RALYL: variants seen among roughly 807,000 people sequenced by gnomAD.
RALYL encodes the protein RNA-binding Raly-like protein.
Under a neutral mutation model 35.1 loss-of-function variants are expected in RALYL, and 29 were observed. That is an observed-to-expected ratio of 0.83 (90% CI 0.61 to 1.13). The LOEUF is 1.13. Ranked by LOEUF, RALYL falls within the 50% of genes most tolerant of loss-of-function variation. RALYL has a pLI of 0.00. For missense variants in RALYL, 359 were observed against 360.4 expected (o/e 1.00, Z 0.03); for synonymous variants, 120 against 127.6 (o/e 0.94, Z 0.40).
intron 1 of RALYL, among the ~76,000 whole-genome samples, chr8:84,324,009 A>T (rs904727435): frequency 6.6e-6 from 1 of 152,064 alleles, no homozygotes; most frequent in Non-Finnish European, 1.5e-5. Context: ...CATGTAATAT[A>T]GTTATTAGTG....
chr8:84,529,349 G>T lies in RALYL; in HGVS notation c.28G>T (p.Val10Phe). MTGKTQTSNVTNKNDPKSIN... is the reference protein window; with the variant it reads MTGKTQTSNFTNKNDPKSIN... Reference sequence around the variant, plus strand: ...GACTGGCAAAACACAGACCAGCAACGTCACCAATAAGAATGACCCCAAGTC... The same window carrying T: ...GACTGGCAAAACACAGACCAGCAACTTCACCAATAAGAATGACCCCAAGTC... Residue 10 changes from valine (V) to phenylalanine (F), a missense_variant, in exon 2 of 9, where the codon GTC (valine) becomes TTC (phenylalanine). By Grantham distance (50) the Val-to-Phe change is conservative. Coordinates refer to ENST00000521268, the MANE Select transcript of RALYL (RefSeq NM_173848.7). The T allele has an allele frequency of 6.3e-7, 1 of 1,588,388 alleles. No homozygotes were observed. Among genetic ancestry groups the T allele is most frequent in the Non-Finnish European group, 8.6e-7 (1 of 1,165,748 alleles).
intron 1 of RALYL, among the ~76,000 whole-genome samples, chr8:84,383,644 G>A (rs1404009108): frequency 2.0e-5 from 3 of 151,530 alleles, no homozygotes; most frequent in African/African-American, 7.3e-5. Flanking sequence ...TGTTGAGGGA[G>A]GTTGAAGGTA....
chr8:84,356,243 T>C (rs962075545), intron 1 of RALYL, among the ~76,000 whole-genome samples: 5 of 150,474 alleles, frequency 3.3e-5, no homozygotes, highest in African/African-American at 1.2e-4. Flanking sequence ...AACTGACTAA[T>C]ACATAGGTAA....
chr8:84,658,798 G>A (rs1477238361), intron 2 of RALYL, among the ~76,000 whole-genome samples: 1 of 152,096 alleles, frequency 6.6e-6, no homozygotes, highest in African/African-American at 2.4e-5. Flanking sequence ...AAGAGGGGAC[G>A]TATTGAAAGA....
At chr8:84,905,700 ATTTTT>A (rs35284071) in intron 8 of RALYL, among the ~76,000 whole-genome samples, 114 of 143,020 alleles carry the variant, frequency 8.0e-4, no homozygotes, top group Non-Finnish European at 1.5e-3. Context: ...TATGAATACT[ATTTTT>A]TTTTTTTTTG....
intron 1 of RALYL, among the ~76,000 whole-genome samples, chr8:84,390,266 G>C (rs1860330437): frequency 6.6e-6 from 1 of 151,984 alleles, no homozygotes; most frequent in African/African-American, 2.4e-5. Context: ...GAGGATTTTT[G>C]CATCAATGTT....
chr8:84,908,259 A>G (rs73261919), intron 8 of RALYL, among the ~76,000 whole-genome samples: 4,782 of 152,216 alleles, frequency 0.031, 267 homozygotes, highest in African/African-American at 0.11. Flanking sequence ...TATACATTGC[A>G]CTGTTATTAA....
chr8:84,290,896 TATA>T (rs2132224910), intron 1 of RALYL, among the ~76,000 whole-genome samples: 1 of 152,332 alleles, frequency 6.6e-6, no homozygotes, highest in African/African-American at 2.4e-5. Context: ...TTTTGATATG[TATA>T]ATACTTTTGA....
At chr8:84,389,315 T>G (rs1049371365) in intron 1 of RALYL, among the ~76,000 whole-genome samples, 7 of 152,126 alleles carry the variant, frequency 4.6e-5, no homozygotes, top group African/African-American at 1.7e-4. Flanking sequence ...AGGATTGACT[T>G]GGCAATGCGG....
chr8:84,895,755 G>A (rs1368201286), intron 8 of RALYL, among the ~76,000 whole-genome samples: 5 of 152,058 alleles, frequency 3.3e-5, no homozygotes, highest in African/African-American at 9.7e-5. Flanking sequence ...CAGGTGATCC[G>A]CCCACCTCGG....
At chr8:84,247,752 G>T (rs1193573676) in intron 1 of RALYL, among the ~76,000 whole-genome samples, 1 of 152,104 alleles carries the variant, frequency 6.6e-6, no homozygotes, top group Non-Finnish European at 1.5e-5. Flanking sequence ...TCTAATCGAA[G>T]TGAGCCAGCT....
chr8:84,266,959 CAAAA>C (rs747403533), intron 1 of RALYL, among the ~76,000 whole-genome samples: 1 of 60,396 alleles, frequency 1.7e-5, no homozygotes. Context: ...GACTCCGTCT[CAAAA>C]AAAAAAAAAA....
At chr8:84,444,882 A>G (rs986460207) in intron 1 of RALYL, among the ~76,000 whole-genome samples, 2 of 152,144 alleles carry the variant, frequency 1.3e-5, no homozygotes, top group Non-Finnish European at 2.9e-5. Flanking sequence ...TGAAAGAATT[A>G]TAATGGCTGA....
At chr8:84,745,880 A>G (rs905328401) in intron 2 of RALYL, among the ~76,000 whole-genome samples, 7 of 151,882 alleles carry the variant, frequency 4.6e-5, no homozygotes, top group Non-Finnish European at 7.4e-5. Flanking sequence ...CTTACATATT[A>G]TTCCCCTTCC....
rs112437223 is a variant in RALYL, at chr8:84,249,313, T to C, written c.-24+64889T>C. ...TAGCCAGGCACAGTCAGCTAACCTG[T>C]TAGATTGCTGTAAAATTTGCAAGAC... On this transcript the variant is annotated intron_variant, in intron 1 of 8. Transcript: ENST00000521268. Among the ~76,000 whole-genome samples, 61 of 152,192 alleles carry C rather than the reference T, an allele frequency of 4.0e-4. 1 individual carries two copies. The highest frequency in any genetic ancestry group is 1.4e-3 in the African/African-American group (60 of 41,574).
At chr8:84,863,457 G>A (rs2135082328) in intron 6 of RALYL, among the ~76,000 whole-genome samples, 1 of 152,286 alleles carries the variant, frequency 6.6e-6, no homozygotes, top group Admixed American at 6.5e-5. Context: ...AAGTTCCAAT[G>A]CAGCTTGGTA....
intron 1 of RALYL, among the ~76,000 whole-genome samples, chr8:84,268,192 T>C (rs1443521545): frequency 6.6e-6 from 1 of 152,192 alleles, no homozygotes; most frequent in East Asian, 1.9e-4. Context: ...TTTTAGCAAA[T>C]GGCTTCACAA....
rs111518293 is a variant in RALYL at position 84,841,465 on chromosome 8, C to A, written c.366-8515C>A. 3.0e-3 allele frequency among the ~76,000 whole-genome samples: 455 copies of A among 152,018 alleles called. 1 individual carries two copies. The highest frequency in any genetic ancestry group is 0.011 in the African/African-American group (440 of 41,462). ...CAATACAGGAGCACCCAGATTCATA[C>A]AGCAAGTCCTTAGAGACCTACAAAG... On this transcript the variant is annotated intron_variant, in intron 4 of 8. Coordinates refer to ENST00000521268, the MANE Select transcript of RALYL (RefSeq NM_173848.7).
intron 1 of RALYL, among the ~76,000 whole-genome samples, chr8:84,413,321 A>C (rs1024081820): frequency 2.6e-5 from 4 of 151,602 alleles, no homozygotes; most frequent in African/African-American, 9.7e-5. Flanking sequence ...AAGAATTATA[A>C]ATGACTATTA....
Sources: allele counts gnomAD v4.1 joint callset (sites outside exome capture counted in the v4.1 genomes callset), GRCh38; gene constraint gnomAD v4.1.1; transcripts MANE v1.5; gene names NCBI Gene and HGNC (gene_info 2026-07-23, HGNC 2026-07-21).